The following TNS1 variants were observed in gnomAD, a reference collection of about 807,000 sequenced individuals.
The protein encoded by TNS1 is tensin-1.
TNS1 carries 62 observed loss-of-function variants against 168.6 expected under a neutral mutation model. The ratio of observed to expected loss-of-function variants is 0.37; its 90% confidence interval spans 0.30 to 0.45. The LOEUF (loss-of-function observed/expected upper bound fraction) is 0.45. TNS1 is among the 20% of genes least tolerant of loss of function. The pLI is 1.00. For missense variants in TNS1, 2,240 were observed against 2,339.4 expected (o/e 0.96, Z 0.88); for synonymous variants, 934 against 933.2 (o/e 1.00, Z -0.02).
chr2:217,932,483 G>C (rs887970666), intron 3 of TNS1, among the ~76,000 whole-genome samples: 2 of 152,172 alleles, frequency 1.3e-5, no homozygotes, highest in African/African-American at 4.8e-5. Flanking sequence ...TTCCCTCTAT[G>C]TTAACCTGGA....
rs912559733 is a variant in TNS1 at position 217,808,738 on chromosome 2, C to A, written c.5274-67G>T. ...GGGGCTGCTTTTCCCCTCCTTCCAC[C>A]AGCAGGTCAGGCCACCTTTCCACCA... On this transcript the variant is annotated intron_variant, in intron 30 of 32. Transcript: ENST00000682258. 3.4e-6 allele frequency: 5 copies of A among 1,474,152 alleles called. No individual in the cohort carries two copies. The African/African-American group carries it at 4.2e-5, about 12-fold the overall frequency. 91.3% of individuals were successfully genotyped at this position (1,474,152 alleles called of 1,614,324 possible).
At chr2:217,883,546 T>C (rs995530625) in intron 16 of TNS1, among the ~76,000 whole-genome samples, 1 of 152,242 alleles carries the variant, frequency 6.6e-6, no homozygotes, top group East Asian at 1.9e-4. Flanking sequence ...ATTACAGGCA[T>C]GAGCCACCGT....
At chr2:217,980,981 A>G (rs1958034218) in intron 2 of TNS1, among the ~76,000 whole-genome samples, 1 of 152,180 alleles carries the variant, frequency 6.6e-6, no homozygotes, top group African/African-American at 2.4e-5. Flanking sequence ...CTTTCCAATT[A>G]TTCCTTTTCA....
intron 12 of TNS1, chr2:217,890,680 T>C: frequency 2.0e-6 from 1 of 497,668 alleles, no homozygotes; most frequent in Non-Finnish European, 3.6e-6. Context: ...ACCAGCGCCT[T>C]CTTATCCCCA....
chr2:217,806,209 C>T lies in TNS1; in HGVS notation c.5376-1606G>A, dbSNP rs562936535. Reference sequence around the variant, plus strand: ...TGATATTTCTTTCAGCTGTGGCTTCCAGGCTCCCGCAATAGCCCAGTCCTG... The same window carrying T: ...TGATATTTCTTTCAGCTGTGGCTTCTAGGCTCCCGCAATAGCCCAGTCCTG... On this transcript the variant is annotated intron_variant, in intron 32 of 32. Transcript: ENST00000682258. Among the ~76,000 whole-genome samples the T allele has an allele frequency of 1.9e-3, 285 of 152,372 alleles. 2 individuals carry two copies. Among genetic ancestry groups the T allele is most frequent in the African/African-American group, 6.3e-3 (261 of 41,590 alleles).
chr2:217,867,228 C>T (rs1371964610), intron 18 of TNS1, among the ~76,000 whole-genome samples: 2 of 152,174 alleles, frequency 1.3e-5, no homozygotes, highest in African/African-American at 4.8e-5. Flanking sequence ...AAATCACTGT[C>T]TGGGAGCATC....
intron 4 of TNS1, among the ~76,000 whole-genome samples, chr2:217,918,622 A>G (rs1955378214): frequency 6.6e-6 from 1 of 152,188 alleles, no homozygotes; most frequent in Admixed American, 6.5e-5. Context: ...CAGCAGCCAG[A>G]CATCTAGCTT....
At chr2:217,832,379 G>A (rs1944565194) in intron 21 of TNS1, among the ~76,000 whole-genome samples, 2 of 152,210 alleles carry the variant, frequency 1.3e-5, no homozygotes, top group Non-Finnish European at 2.9e-5. Context: ...GAGCTGATCT[G>A]CAGGGTGGCT....
At chr2:217,918,770 C>T (rs1030587472) in intron 4 of TNS1, among the ~76,000 whole-genome samples, 21 of 149,216 alleles carry the variant, frequency 1.4e-4, no homozygotes, top group Non-Finnish European at 2.8e-4. Flanking sequence ...CCTCCTCGGA[C>T]TCCCATGGTG....
At chr2:217,904,649 T>C (rs1575025891) in intron 6 of TNS1, among the ~76,000 whole-genome samples, 1 of 152,040 alleles carries the variant, frequency 6.6e-6, no homozygotes, top group East Asian at 1.9e-4. Context: ...TACTTTCTTC[T>C]AAAAAAAGCC....
chr2:217,945,186 T>A (rs1957072509), intron 3 of TNS1, among the ~76,000 whole-genome samples: 1 of 152,186 alleles, frequency 6.6e-6, no homozygotes, highest in Non-Finnish European at 1.5e-5. Context: ...CGCATCTGGG[T>A]CAGTGGCCTG....
At chr2:218,010,578 T>G (rs1255444093), upstream of TNS1, among the ~76,000 whole-genome samples, 2 of 151,422 alleles carry the variant, frequency 1.3e-5, no homozygotes, top group African/African-American at 4.8e-5. Context: ...CGGCAACTTC[T>G]GAGGTTCGGG....
chr2:218,022,725 C>T (rs966530864), intron 1 of TNS1, among the ~76,000 whole-genome samples: 14 of 151,000 alleles, frequency 9.3e-5, no homozygotes, highest in Non-Finnish European at 5.9e-5. Context: ...AACATGGAGG[C>T]CATTCTCACA....
intron 6 of TNS1, chr2:217,903,555 T>A (rs1953276325): frequency 6.5e-7 from 1 of 1,527,234 alleles, no homozygotes; most frequent in Middle Eastern, 1.7e-4. Flanking sequence ...ATTACAGAAC[T>A]TTTCATCCAA....
In TNS1 at chr2:217,903,134, G is replaced by A. The variant is rs530964695; in HGVS notation, c.322-2622C>T. ...ACACAAGGCATCCGGTCATCCCTGG[G>A]CCTCCAATCTTCATGCTCATTCTCT... On this transcript the variant is annotated intron_variant, in intron 6 of 32. Coordinates refer to ENST00000682258, the MANE Select transcript of TNS1 (RefSeq NM_001387777.1). Among the ~76,000 whole-genome samples, 7 of 152,234 alleles carry A rather than the reference G, an allele frequency of 4.6e-5. No individual in the cohort carries two copies. The East Asian group carries it at 1.4e-3, about 29-fold the overall frequency.
intron 2 of TNS1, among the ~76,000 whole-genome samples, chr2:217,983,645 T>C (rs1246280873): frequency 6.6e-6 from 1 of 152,218 alleles, no homozygotes. Flanking sequence ...CTTTTCCTCC[T>C]GGACTTGGGT....
intron 9 of TNS1, among the ~76,000 whole-genome samples, chr2:217,893,913 T>C (rs1378993311): frequency 1.3e-5 from 2 of 152,176 alleles, no homozygotes; most frequent in East Asian, 3.9e-4. Context: ...GTCCCTACCA[T>C]AGGACTGACC....
chr2:217,921,941 A>G (rs1013554643), intron 3 of TNS1, among the ~76,000 whole-genome samples: 1 of 152,158 alleles, frequency 6.6e-6, no homozygotes, highest in Non-Finnish European at 1.5e-5. Context: ...AGTGGCCGAG[A>G]TTTGAACCCA....
chr2:217,902,451 C>G (rs3791937), intron 6 of TNS1, among the ~76,000 whole-genome samples: 175 of 152,194 alleles, frequency 1.1e-3, no homozygotes, highest in Non-Finnish European at 2.2e-3. Flanking sequence ...AGACAATGGG[C>G]CATATTGATA....
Sources: gnomAD v4.1 joint callset for allele counts (sites outside exome capture counted in the v4.1 genomes callset) on GRCh38, gnomAD v4.1.1 for gene constraint, MANE v1.5 for transcripts, NCBI Gene and HGNC (gene_info 2026-07-23, HGNC 2026-07-21) for gene names.